The following TLK1 variants were observed in gnomAD, a reference collection of about 807,000 sequenced individuals.
TLK1 encodes the protein serine/threonine-protein kinase tousled-like 1.
A neutral mutation model predicts 105.3 loss-of-function variants in TLK1; 24 were observed. That is an observed-to-expected ratio of 0.23 (90% confidence interval 0.17 to 0.32). The LOEUF (loss-of-function observed/expected upper bound fraction) is 0.32, where lower values mean the gene tolerates loss of function less well. TLK1 is among the 10% of genes least tolerant of loss of function. TLK1 has a pLI of 1.00. For synonymous variants in TLK1, 321 were observed against 310.4 expected (o/e 1.03, Z -0.36); for missense variants, 558 against 910.5 (o/e 0.61, Z 4.98).
chr2:171,226,942 A>T (rs12104490), intron 1 of TLK1, among the ~76,000 whole-genome samples: 8,362 of 152,270 alleles, frequency 0.055, 494 homozygotes, highest in East Asian at 0.25. Context: ...ATAATTTTTT[A>T]AAATGGAATT....
rs763965746 is a variant in TLK1, at chr2:171,055,063, AC to A, written c.639+19del. 2.4e-5 allele frequency: 33 copies of A among 1,392,706 alleles called. No individual in the cohort carries two copies. The highest frequency in any genetic ancestry group is 2.7e-5 in the Non-Finnish European group (28 of 1,051,696). The allele number at this position is 1,392,706 out of a possible 1,614,324, so 86.3% of individuals were successfully genotyped here. A position where few individuals can be genotyped will look rare whatever the true frequency, so the allele number is the denominator to read the frequency against. ...GGTTTCTTAGAAGCCATAGAAAAAAACATTTTAATTATCATTTACCTGAATA... is the reference window on the plus strand; with the variant it reads ...GGTTTCTTAGAAGCCATAGAAAAAAAATTTTAATTATCATTTACCTGAATA... On this transcript the variant is annotated intron_variant, in intron 7 of 20. Coordinates refer to ENST00000431350, the MANE Select transcript of TLK1 (RefSeq NM_012290.5).
intron 18 of TLK1, among the ~76,000 whole-genome samples, chr2:171,003,159 G>A (rs1446330783): frequency 2.0e-5 from 3 of 150,902 alleles, no homozygotes; most frequent in South Asian, 2.1e-4. Flanking sequence ...CTGTGGTCCC[G>A]GCTGCTCAGG....
chr2:171,210,581 C>T (rs552207375), intron 1 of TLK1, among the ~76,000 whole-genome samples: 25 of 152,204 alleles, frequency 1.6e-4, no homozygotes, highest in Admixed American at 1.4e-3. Flanking sequence ...GGCTAAGCAC[C>T]ACAGTAAACA....
chr2:171,062,153 C>A (rs1687781329), intron 3 of TLK1, among the ~76,000 whole-genome samples: 1 of 152,132 alleles, frequency 6.6e-6, no homozygotes, highest in South Asian at 2.1e-4. Context: ...AAAATTAAAA[C>A]CAAGAGCAAA....
intron 16 of TLK1, 71 bp from the exon 17 acceptor site, chr2:171,006,714 G>A: frequency 6.3e-7 from 1 of 1,594,474 alleles, no homozygotes; most frequent in Non-Finnish European, 8.6e-7. Flanking sequence ...TGGGGAAATG[G>A]AGAGTATTTA....
rs71401413 is a variant in TLK1, at chr2:171,227,568, C to CTTTTTTT, written c.-6+3570_-6+3576dup. 3.2e-3 allele frequency among the ~76,000 whole-genome samples: 175 copies of CTTTTTTT among 55,514 alleles called. 8 individuals are homozygous for CTTTTTTT. Among genetic ancestry groups the CTTTTTTT allele is most frequent in the Non-Finnish European group, 3.5e-3 (106 of 30,288 alleles). The allele number at this position is 55,514 out of a possible 152,430, so 36.4% of individuals were successfully genotyped here. ...AGTTAGTCATGAGTTAGTAAATCTC[C>CTTTTTTT]TTTTTTTTTTTTTTTTTTTTTTTTT... On this transcript the variant is annotated intron_variant, in intron 1 of 20. Coordinates refer to the TLK1 transcript ENST00000521943.
chr2:171,026,137 G>T (rs1307525384), intron 12 of TLK1, among the ~76,000 whole-genome samples: 1 of 152,014 alleles, frequency 6.6e-6, no homozygotes, highest in Non-Finnish European at 1.5e-5. Flanking sequence ...TTTGATAAAA[G>T]CTAGGAAAAA....
At chr2:171,191,012 T>C (rs894098359) in intron 1 of TLK1, among the ~76,000 whole-genome samples, 1 of 151,374 alleles carries the variant, frequency 6.6e-6, no homozygotes, top group Non-Finnish European at 1.5e-5. Flanking sequence ...AATACAAAAA[T>C]TAGCTGGGCG....
At chr2:171,177,961 T>C (rs533099840) in intron 1 of TLK1, among the ~76,000 whole-genome samples, 25 of 152,022 alleles carry the variant, frequency 1.6e-4, no homozygotes, top group Admixed American at 3.3e-4. Flanking sequence ...ACCTGGCTAA[T>C]TTTGTATTTT....
chr2:171,166,119 C>A, intron 1 of TLK1, among the ~76,000 whole-genome samples: 1 of 152,230 alleles, frequency 6.6e-6, no homozygotes, highest in East Asian at 1.9e-4. Context: ...GCAAAAGCTA[C>A]AAGTTAGAGC....
Position 171,082,759 on chromosome 2 carries a change from T to A in TLK1, c.330+22A>T, listed in dbSNP as rs1455974683. The A allele has an allele frequency of 1.9e-6, 3 of 1,539,822 alleles. No individual in the cohort carries two copies. The African/African-American group carries it at 4.1e-5, about 21-fold the overall frequency. On this transcript the variant is annotated intron_variant, in intron 3 of 20. Coordinates refer to ENST00000431350, the MANE Select transcript of TLK1 (RefSeq NM_012290.5). The stretch of plus-strand genomic sequence containing the variant: ...TCCAGCTTTTACTTTAATAGCACCA[T>A]ATTTAAAATGAAATTACTTACCTCT...
intron 1 of TLK1, among the ~76,000 whole-genome samples, chr2:171,204,297 C>T (rs1693458875): frequency 6.6e-6 from 1 of 152,120 alleles, no homozygotes; most frequent in South Asian, 2.1e-4. Context: ...ATCGTCCTGG[C>T]TACACTGATA....
chr2:171,197,048 C>G (rs1558988169), intron 1 of TLK1, among the ~76,000 whole-genome samples: 1 of 151,946 alleles, frequency 6.6e-6, no homozygotes. Context: ...GCAGGAGAAC[C>G]CTAAGTGTGG....
intron 1 of TLK1, among the ~76,000 whole-genome samples, chr2:171,225,290 T>C (rs1693878234): frequency 6.6e-6 from 1 of 152,070 alleles, no homozygotes. Flanking sequence ...TTCAACAATG[T>C]AAAGAAAACC....
At chr2:171,017,778 G>A (rs144908624) in intron 12 of TLK1, among the ~76,000 whole-genome samples, 95 of 152,290 alleles carry the variant, frequency 6.2e-4, no homozygotes, top group Admixed American at 9.8e-4. Context: ...ACAACAAAAT[G>A]TCAGTAGCAC....
intron 4 of TLK1, among the ~76,000 whole-genome samples, chr2:171,059,730 G>T (rs576269147): frequency 3.3e-5 from 5 of 152,158 alleles, no homozygotes; most frequent in Admixed American, 3.3e-4. Flanking sequence ...GCGGGGAGTA[G>T]GGGAGATGGT....
At chr2:171,205,291 G>T (rs978427475) in intron 1 of TLK1, among the ~76,000 whole-genome samples, 1 of 150,542 alleles carries the variant, frequency 6.6e-6, no homozygotes, top group Non-Finnish European at 1.5e-5. Flanking sequence ...TTATAGAAAT[G>T]ATAAGGTACA....
At chr2:171,026,751 C>T (rs1685791312) in intron 12 of TLK1, among the ~76,000 whole-genome samples, 2 of 152,056 alleles carry the variant, frequency 1.3e-5, no homozygotes, top group African/African-American at 2.4e-5. Context: ...CAGATACTTA[C>T]GACTCATCCT....
At chr2:170,998,841 TCA>T (rs1244252512) in intron 18 of TLK1, among the ~76,000 whole-genome samples, 1 of 152,214 alleles carries the variant, frequency 6.6e-6, no homozygotes, top group Admixed American at 6.5e-5. Context: ...CGATCATAGC[TCA>T]CTGCAGCCTC....
Sources: allele counts gnomAD v4.1 joint callset (sites outside exome capture counted in the v4.1 genomes callset), GRCh38; gene constraint gnomAD v4.1.1; transcripts MANE v1.5; gene names NCBI Gene and HGNC (gene_info 2026-07-23, HGNC 2026-07-21).